Variants in EPHX1 observed in about 807,000 individuals in gnomAD.
EPHX1 encodes the protein epoxide hydratase.
Under a neutral mutation model 43.2 loss-of-function variants are expected in EPHX1, and 40 were observed. The observed-to-expected ratio is 0.93, with a 90% CI of 0.72 to 1.21. EPHX1 has a LOEUF of 1.21. Among genes scored for constraint, EPHX1 ranks in the 50% most tolerant of loss-of-function variants. The probability of loss-of-function intolerance (pLI) is 0.00; values close to 1 mark genes in which losing one functional copy is unlikely to be tolerated. For synonymous variants in EPHX1, 221 were observed against 226.7 expected (o/e 0.98, Z 0.22); for missense variants, 550 against 570.4 (o/e 0.96, Z 0.36).
intron 3 of EPHX1, among the ~76,000 whole-genome samples, chr1:225,835,131 A>G (rs1247982652): frequency 6.6e-6 from 1 of 152,274 alleles, no homozygotes; most frequent in African/African-American, 2.4e-5. Flanking sequence ...AGCATGTTCA[A>G]AGGCCCAGAG....
chr1:225,842,534 C>A, intron 7 of EPHX1, 60 bp downstream of exon 7: 1 of 1,153,334 alleles, frequency 8.7e-7, no homozygotes, highest in Non-Finnish European at 1.3e-6. Context: ...ACCTCCTCAC[C>A]CTCTTCATCC....
Position 225,828,811 on chromosome 1 carries a change from CCACTTGA to C in EPHX1, c.83_89del (p.Pro28GlnfsTer61). On this transcript the variant is annotated frameshift_variant, in exon 2 of 9. Coordinates refer to ENST00000272167, the MANE Select transcript of EPHX1 (RefSeq NM_001136018.4). LOFTEE classifies it high-confidence loss of function. ...CTCCCGGGACAAAGAGGAAACTTTGCCACTTGAAGATGGGTGGTGGGGGCCAGGCACG... is the reference window on the plus strand; with the variant it reads ...CTCCCGGGACAAAGAGGAAACTTTGCAGATGGGTGGTGGGGGCCAGGCACG... 2 of 1,613,648 alleles carry C rather than the reference CCACTTGA, an allele frequency of 1.2e-6. No individual in the cohort carries two copies. The highest frequency in any genetic ancestry group is 1.7e-6 in the Non-Finnish European group (2 of 1,179,906).
intron 1 of EPHX1, among the ~76,000 whole-genome samples, chr1:225,812,094 T>G (rs1666508541): frequency 1.3e-5 from 2 of 152,176 alleles, no homozygotes; most frequent in South Asian, 4.1e-4. Context: ...GTGCAAAGGC[T>G]GGGGGCAGGA....
At chr1:225,837,939 T>C (rs1668058379) in intron 3 of EPHX1, among the ~76,000 whole-genome samples, 1 of 152,200 alleles carries the variant, frequency 6.6e-6, no homozygotes, top group Admixed American at 6.5e-5. Flanking sequence ...AATTGGAAAG[T>C]ACATAAAACT....
Position 225,839,973 on chromosome 1 carries a change from A to G in EPHX1, c.867A>G (p.Val289=). The G allele has an allele frequency of 6.2e-7, 1 of 1,614,232 alleles. No individual in the cohort carries two copies. The highest frequency in any genetic ancestry group is 8.5e-7 in the Non-Finnish European group (1 of 1,180,036). ...VELLYPVKEK[V]FYSLMRESGY... is the part of the protein sequence containing the mutation. Reference sequence around the variant, plus strand: ...TGCTGTACCCCGTCAAGGAGAAGGTATTCTACAGCCTGATGAGGGAGAGCG... The same window carrying G: ...TGCTGTACCCCGTCAAGGAGAAGGTGTTCTACAGCCTGATGAGGGAGAGCG... The change falls in exon 6 of 9, where the codon GTA becomes GTG. Residue 289 remains valine (V), a synonymous_variant. Coordinates refer to ENST00000272167, the MANE Select transcript of EPHX1 (RefSeq NM_001136018.4).
At chr1:225,835,916 T>C (rs1667937543) in intron 3 of EPHX1, among the ~76,000 whole-genome samples, 1 of 152,122 alleles carries the variant, frequency 6.6e-6, no homozygotes, top group African/African-American at 2.4e-5. Flanking sequence ...GTTTCCAGCA[T>C]TGAATTCATC....
At chr1:225,819,698 A>G (rs2102690686) in intron 1 of EPHX1, among the ~76,000 whole-genome samples, 1 of 152,276 alleles carries the variant, frequency 6.6e-6, no homozygotes, top group East Asian at 1.9e-4. Context: ...AAGAGAAGAC[A>G]AAGTTTAGGG....
At chr1:225,811,530 T>C (rs1666485404) in intron 1 of EPHX1, among the ~76,000 whole-genome samples, 2 of 152,124 alleles carry the variant, frequency 1.3e-5, no homozygotes, top group African/African-American at 2.4e-5. Context: ...TGGTGGAAAA[T>C]TGTTGAGGAC....
chr1:225,838,402 T>C (rs1668083542), intron 3 of EPHX1, among the ~76,000 whole-genome samples: 1 of 152,156 alleles, frequency 6.6e-6, no homozygotes, highest in African/African-American at 2.4e-5. Context: ...GGGGCACCTC[T>C]AAGGAAACCG....
At chr1:225,812,600 G>A (rs1312099197) in intron 1 of EPHX1, among the ~76,000 whole-genome samples, 1 of 152,226 alleles carries the variant, frequency 6.6e-6, no homozygotes, top group Non-Finnish European at 1.5e-5. Context: ...CTGATACCCA[G>A]GCTTGGTGAT....
At chr1:225,839,181 A>C (rs746347965) in intron 4 of EPHX1, 36 bp from the exon 5 acceptor site, 8 of 1,613,502 alleles carry the variant, frequency 5.0e-6, no homozygotes, top group South Asian at 1.1e-5. Flanking sequence ...TCTGCCTGTG[A>C]CTCCGTGACT....
Position 225,828,850 on chromosome 1 carries a change from G to C in EPHX1, c.121G>C (p.Ala41Pro). 1 of 1,610,262 alleles carries C rather than the reference G, an allele frequency of 6.2e-7. No individual in the cohort carries two copies. The highest frequency in any genetic ancestry group is 8.5e-7 in the Non-Finnish European group (1 of 1,178,014). ...DGWWGPGTRS[A>P]AREDDSIRPF... Reference sequence around the variant, plus strand: ...GTGGTGGGGGCCAGGCACGAGGTCCGCAGCCAGGGAGGACGACAGCATCCG... The same window carrying C: ...GTGGTGGGGGCCAGGCACGAGGTCCCCAGCCAGGGAGGACGACAGCATCCG... The change falls in exon 2 of 9, where the codon GCA (alanine) becomes CCA (proline). Residue 41 changes from alanine (A) to proline (P), a missense_variant. By Grantham distance (27) the Ala-to-Pro change is conservative (BLOSUM62 -1). Coordinates refer to ENST00000272167, the MANE Select transcript of EPHX1 (RefSeq NM_001136018.4).
intron 7 of EPHX1, 27 bp downstream of exon 7, chr1:225,842,501 C>T (rs775005879): frequency 2.0e-6 from 3 of 1,530,884 alleles, no homozygotes; most frequent in Non-Finnish European, 1.8e-6. Flanking sequence ...CCCCTGCAGT[C>T]ATGACCCTGG....
At position 225,845,561 on chromosome 1, in the gene EPHX1, A is replaced by C; in HGVS notation, c.*214A>C. Reference sequence around the variant, plus strand: ...TTTGATGATAAACGACTTTACTCTAAAAGCGGCTGGAACTCAGTGACATGA... The same window carrying C: ...TTTGATGATAAACGACTTTACTCTACAAGCGGCTGGAACTCAGTGACATGA... On this transcript the variant is annotated 3_prime_UTR_variant, in exon 9 of 9. Coordinates refer to ENST00000272167, the MANE Select transcript of EPHX1 (RefSeq NM_001136018.4). 1 of 606,704 alleles carries C rather than the reference A, an allele frequency of 1.6e-6. No individual in the cohort carries two copies. The highest frequency in any genetic ancestry group is 2.9e-6 in the Non-Finnish European group (1 of 344,100). 37.6% of individuals were successfully genotyped at this position (606,704 alleles called of 1,614,324 possible). A position where few individuals can be genotyped will look rare whatever the true frequency, so the allele number is the denominator to read the frequency against.
chr1:225,832,135 T>G, intron 3 of EPHX1, 176 bp downstream of exon 3: 1 of 703,218 alleles, frequency 1.4e-6, no homozygotes, highest in Non-Finnish European at 2.5e-6. Flanking sequence ...TCACAACAAA[T>G]CTGTCCATCT....
chr1:225,828,462 G>T (rs1667379304), intron 1 of EPHX1, among the ~76,000 whole-genome samples: 2 of 151,394 alleles, frequency 1.3e-5, no homozygotes, highest in Admixed American at 1.3e-4. Flanking sequence ...TCAAAGCTTA[G>T]TAGGATTGTG....
At chr1:225,832,505 A>C (rs1208147351) in intron 3 of EPHX1, among the ~76,000 whole-genome samples, 1 of 152,270 alleles carries the variant, frequency 6.6e-6, no homozygotes, top group African/African-American at 2.4e-5. Flanking sequence ...ACTGCACTCC[A>C]GCCTGGGCTC....
chr1:225,842,607 C>T (rs1344910086), intron 7 of EPHX1, 133 bp downstream of exon 7: 9 of 777,372 alleles, frequency 1.2e-5, no homozygotes, highest in Non-Finnish European at 2.0e-5. Flanking sequence ...CTTACAAATC[C>T]TCACCCTGTG....
At chr1:225,832,321 C>G (rs564164879) in intron 3 of EPHX1, among the ~76,000 whole-genome samples, 1 of 152,198 alleles carries the variant, frequency 6.6e-6, no homozygotes, top group African/African-American at 2.4e-5. Context: ...GGGTAGATCA[C>G]GAGGTCAAGA....
Sources: allele counts gnomAD v4.1 joint callset (sites outside exome capture counted in the v4.1 genomes callset), GRCh38; gene constraint gnomAD v4.1.1; transcripts MANE v1.5; gene names NCBI Gene and HGNC (gene_info 2026-07-23, HGNC 2026-07-21).